IQCM: variants seen among roughly 807,000 people sequenced by gnomAD.
The protein encoded by IQCM is IQ motif containing M.
In IQCM, 45 loss-of-function variants were observed where a neutral mutation model predicts 57.6. The ratio of observed to expected loss-of-function variants is 0.78; its 90% CI spans 0.62 to 1.00. The LOEUF (loss-of-function observed/expected upper bound fraction) is 1.00, where lower values mean the gene tolerates loss of function less well. Ranked by LOEUF, IQCM falls within the 50% of genes least tolerant of loss-of-function variation. The pLI, the probability that IQCM is intolerant of heterozygous loss-of-function variation, is 0.00. For missense variants in IQCM, 468 were observed against 511.6 expected (o/e 0.91, Z 0.82); for synonymous variants, 148 against 158.9 (o/e 0.93, Z 0.51).
intron 13 of IQCM, among the ~76,000 whole-genome samples, chr4:149,380,397 A>C (rs1284171320): frequency 6.6e-6 from 1 of 152,172 alleles, no homozygotes; most frequent in Non-Finnish European, 1.5e-5. Flanking sequence ...TTCCAGATGT[A>C]ATTACAAAGT....
intron 12 of IQCM, among the ~76,000 whole-genome samples, chr4:149,453,860 T>C (rs1737392399): frequency 6.6e-6 from 1 of 151,882 alleles, no homozygotes; most frequent in African/African-American, 2.4e-5. Context: ...ACTCTACCCC[T>C]AGGTATCTAC....
At chr4:149,561,121 C>T (rs1750079563) in intron 10 of IQCM, among the ~76,000 whole-genome samples, 1 of 152,132 alleles carries the variant, frequency 6.6e-6, no homozygotes, top group African/African-American at 2.4e-5. Context: ...ATGATCATAA[C>T]AAATATTATA....
At chr4:149,745,782 G>A (rs1356604339) in intron 2 of IQCM, among the ~76,000 whole-genome samples, 3 of 152,042 alleles carry the variant, frequency 2.0e-5, no homozygotes, top group Non-Finnish European at 4.4e-5. Context: ...CACAAGTCTG[G>A]GCAACATGGT....
At chr4:149,705,907 GACACAAATAAAAAAAAAAA>G (rs1377251022) in intron 5 of IQCM, among the ~76,000 whole-genome samples, 13 of 141,312 alleles carry the variant, frequency 9.2e-5, no homozygotes, top group Non-Finnish European at 1.3e-4. Context: ...AACTGGAGAA[GACACAAATAAAAAAAAAAA>G]TTCTATATCT....
intron 2 of IQCM, among the ~76,000 whole-genome samples, chr4:149,815,067 C>A (rs987342204): frequency 6.6e-6 from 1 of 151,942 alleles, no homozygotes; most frequent in South Asian, 2.1e-4. Context: ...AAGTGGTGGT[C>A]TCTGTTGACA....
chr4:149,791,956 A>G (rs1359688361), intron 2 of IQCM, among the ~76,000 whole-genome samples: 3 of 152,192 alleles, frequency 2.0e-5, no homozygotes, highest in Non-Finnish European at 2.9e-5. Context: ...TCAACACATG[A>G]AGAGCATATA....
At chr4:149,352,589 C>T (rs2110858511) in intron 13 of IQCM, among the ~76,000 whole-genome samples, 1 of 152,248 alleles carries the variant, frequency 6.6e-6, no homozygotes, top group South Asian at 2.1e-4. Flanking sequence ...AGGACTTAAG[C>T]ATCTGTGGAT....
At chr4:149,576,218 T>G (rs904768146) in intron 9 of IQCM, among the ~76,000 whole-genome samples, 5 of 151,758 alleles carry the variant, frequency 3.3e-5, no homozygotes, top group African/African-American at 1.2e-4. Context: ...TTTTGTGTTA[T>G]GGAGTTTTGG....
intron 2 of IQCM, among the ~76,000 whole-genome samples, chr4:149,810,832 G>A (rs1350361598): frequency 6.6e-6 from 1 of 152,098 alleles, no homozygotes; most frequent in Non-Finnish European, 1.5e-5. Context: ...TAAATCATGT[G>A]ATCACCCTAG....
intron 5 of IQCM, among the ~76,000 whole-genome samples, chr4:149,732,131 C>T (rs1316041225): frequency 6.6e-6 from 1 of 152,154 alleles, no homozygotes; most frequent in Admixed American, 6.6e-5. Flanking sequence ...TCTTCCCCCA[C>T]CTACAGCTTT....
At chr4:149,671,085 G>T (rs1195352195) in intron 7 of IQCM, among the ~76,000 whole-genome samples, 1 of 151,956 alleles carries the variant, frequency 6.6e-6, no homozygotes, top group Non-Finnish European at 1.5e-5. Flanking sequence ...TTGTACCTCT[G>T]GTGGAATTTG....
At chr4:149,720,212 T>A (rs1765333867) in intron 5 of IQCM, among the ~76,000 whole-genome samples, 1 of 152,194 alleles carries the variant, frequency 6.6e-6, no homozygotes. Context: ...AGATTTTTTT[T>A]ATTCCTGAAT....
At chr4:149,630,437 A>C (rs964699451) in intron 7 of IQCM, among the ~76,000 whole-genome samples, 1 of 152,230 alleles carries the variant, frequency 6.6e-6, no homozygotes, top group East Asian at 1.9e-4. Flanking sequence ...ATAGGTTTCT[A>C]AGCAAGAAAG....
intron 2 of IQCM, among the ~76,000 whole-genome samples, chr4:149,812,645 A>G (rs962022373): frequency 1.4e-4 from 22 of 152,080 alleles, no homozygotes; most frequent in Admixed American, 1.4e-3. Flanking sequence ...CAATGCTATC[A>G]TATCATTATT....
chr4:149,388,156 A>G (rs79908373), intron 13 of IQCM, among the ~76,000 whole-genome samples: 3,925 of 151,868 alleles, frequency 0.026, 146 homozygotes, highest in African/African-American at 0.087. Context: ...GTTGTTGATG[A>G]GTTTTATACT....
intron 7 of IQCM, among the ~76,000 whole-genome samples, chr4:149,655,036 C>T (rs925767652): frequency 6.6e-6 from 1 of 152,140 alleles, no homozygotes; most frequent in Non-Finnish European, 1.5e-5. Flanking sequence ...TCTCACATTT[C>T]ATTTCTATTA....
At chr4:149,783,062 T>G (rs541162123) in intron 2 of IQCM, among the ~76,000 whole-genome samples, 13 of 152,334 alleles carry the variant, frequency 8.5e-5, no homozygotes, top group African/African-American at 3.1e-4. Flanking sequence ...CTGATGGTTC[T>G]TAAATGTATA....
intron 13 of IQCM, chr4:149,430,102 T>C (rs1734723354): frequency 1.1e-6 from 1 of 895,028 alleles, no homozygotes; most frequent in Non-Finnish European, 1.5e-6. Context: ...CTTAAGTTAT[T>C]CTTTCTCATA....
chr4:149,448,665 A>G (rs113904417), intron 12 of IQCM, among the ~76,000 whole-genome samples: 100 of 151,942 alleles, frequency 6.6e-4, no homozygotes, highest in African/African-American at 2.3e-3. Context: ...TACAGCATCT[A>G]CAGATAATTA....
Sources: allele counts gnomAD v4.1 joint callset (sites outside exome capture counted in the v4.1 genomes callset), GRCh38; gene constraint gnomAD v4.1.1; transcripts MANE v1.5; gene names NCBI Gene and HGNC (gene_info 2026-07-23, HGNC 2026-07-21).